The following PRKN variants were observed in gnomAD, a reference collection of about 807,000 sequenced individuals.
The protein encoded by PRKN is E3 ubiquitin-protein ligase parkin.
PRKN carries 56 observed loss-of-function variants against 59.5 expected under a neutral mutation model. The observed-to-expected ratio is 0.94, with a 90% CI of 0.76 to 1.18. The LOEUF is 1.18. PRKN is among the 50% of genes most tolerant of loss of function. The pLI is 0.00. For missense variants in PRKN, 657 were observed against 596.4 expected, an observed-to-expected ratio of 1.10 and a Z score of -1.06; for synonymous variants, 250 against 222.1, an observed-to-expected ratio of 1.13 and a Z score of -1.12.
At position 161,655,889 on chromosome 6, in the gene PRKN, C is replaced by T. The variant is rs1378789800; in HGVS notation, c.872-86473G>A. On this transcript the variant is annotated intron_variant, in intron 7 of 11. Transcript: ENST00000366898. ...ATGCACACACACACACACACATACACACACACACACACACACACACACACA... is the reference window on the plus strand; with the variant it reads ...ATGCACACACACACACACACATACATACACACACACACACACACACACACA... Among the ~76,000 whole-genome samples the T allele has an allele frequency of 6.3e-3, 298 of 47,516 alleles. 2 individuals are homozygous for T. Among genetic ancestry groups the T allele is most frequent in the African/African-American group, 0.056 (287 of 5,080 alleles). The allele number at this position is 47,516 out of a possible 152,430, so 31.2% of individuals were successfully genotyped here.
chr6:161,491,288 ACT>A (rs910322778), intron 9 of PRKN, among the ~76,000 whole-genome samples: 2 of 152,146 alleles, frequency 1.3e-5, no homozygotes, highest in African/African-American at 4.8e-5. Flanking sequence ...GAAGGATCGT[ACT>A]CATTCATTTC....
chr6:161,811,849 G>A (rs1049701820), intron 6 of PRKN, among the ~76,000 whole-genome samples: 1 of 151,936 alleles, frequency 6.6e-6, no homozygotes. Context: ...TTGAACCTGG[G>A]AGGTGGAGGT....
intron 2 of PRKN, among the ~76,000 whole-genome samples, chr6:162,368,326 G>A (rs1486618874): frequency 6.6e-6 from 1 of 152,154 alleles, no homozygotes; most frequent in Non-Finnish European, 1.5e-5. Context: ...AGCTGACATT[G>A]TTGAATCTAC....
intron 4 of PRKN, among the ~76,000 whole-genome samples, chr6:162,193,924 A>AT (rs751202064): frequency 6.5e-4 from 99 of 152,338 alleles, no homozygotes; most frequent in Non-Finnish European, 1.1e-3. Context: ...GTGTTCACCT[A>AT]TAACCTGAAA....
In PRKN at chr6:161,785,913, A is replaced by C. The variant is rs1468889730; in HGVS notation, c.735-5T>G. ...TGGAAAACCAGGACGGGGCTCCTGC[A>C]GAGAGAAAGGAAGATGTTTCCTCTA... On this transcript the variant is annotated splice_region_variant and splice_polypyrimidine_tract_variant and intron_variant, in intron 6 of 11. Coordinates refer to ENST00000366898, the MANE Select transcript of PRKN (RefSeq NM_004562.3). 1 of 1,613,686 alleles carries C rather than the reference A, an allele frequency of 6.2e-7. No homozygotes were observed. The highest frequency in any genetic ancestry group is 8.5e-7 in the Non-Finnish European group (1 of 1,179,734).
chr6:161,879,119 C>T (rs9347552), intron 6 of PRKN, among the ~76,000 whole-genome samples: 34,797 of 151,926 alleles, frequency 0.23, 4,722 homozygotes, highest in East Asian at 0.37. Context: ...GCTCCCCAAG[C>T]GATTCTCCGT....
In PRKN at chr6:161,527,325, G is replaced by T. The variant is rs548642854; in HGVS notation, c.1083+21529C>A. ...CATATTTTGGGGTGAAGTGTCTTGAGCCCCAACGGCATCAAGTATGAACTT... is the reference window on the plus strand; with the variant it reads ...CATATTTTGGGGTGAAGTGTCTTGATCCCCAACGGCATCAAGTATGAACTT... On this transcript the variant is annotated intron_variant, in intron 9 of 11. Transcript: ENST00000366898. This position sits in a 1 kb window ranked among gnomAD's most constrained non-coding sequence, Gnocchi z 4.6. 1.2e-3 allele frequency among the ~76,000 whole-genome samples: 185 copies of T among 152,270 alleles called. 1 individual carries two copies. Among genetic ancestry groups the T allele is most frequent in the Non-Finnish European group, 2.1e-3 (145 of 68,020 alleles).
At chr6:161,737,255 T>C (rs771003445) in intron 7 of PRKN, among the ~76,000 whole-genome samples, 1 of 152,128 alleles carries the variant, frequency 6.6e-6, no homozygotes, top group African/African-American at 2.4e-5. Flanking sequence ...TAAAGGGGAA[T>C]GAACTAAATC....
At chr6:161,800,973 A>C (rs1791051074) in intron 6 of PRKN, among the ~76,000 whole-genome samples, 1 of 152,164 alleles carries the variant, frequency 6.6e-6, no homozygotes, top group Non-Finnish European at 1.5e-5. Context: ...TCACTGCCTA[A>C]TGCTGGGCCT....
At chr6:162,411,729 A>T (rs984074050) in intron 2 of PRKN, among the ~76,000 whole-genome samples, 1 of 152,132 alleles carries the variant, frequency 6.6e-6, no homozygotes, top group Non-Finnish European at 1.5e-5. Context: ...ATTAACTATA[A>T]TTATTAGGAG....
intron 4 of PRKN, among the ~76,000 whole-genome samples, chr6:162,116,236 C>T (rs1780667067): frequency 6.6e-6 from 1 of 152,176 alleles, no homozygotes; most frequent in Non-Finnish European, 1.5e-5. Flanking sequence ...TAATAAACTG[C>T]AGGCCACATA....
At chr6:162,166,047 C>CAAAAAAAAAAAAAAAAAA (rs10557222) in intron 4 of PRKN, among the ~76,000 whole-genome samples, 1 of 80,200 alleles carries the variant, frequency 1.2e-5, no homozygotes, top group African/African-American at 5.1e-5. Flanking sequence ...GACTCTATCT[C>CAAAAAAAAAAAAAAAAAA]AAAAAAAAAA....
At chr6:161,453,021 A>G (rs1789809498) in intron 9 of PRKN, among the ~76,000 whole-genome samples, 1 of 152,196 alleles carries the variant, frequency 6.6e-6, no homozygotes, top group Admixed American at 6.6e-5. Flanking sequence ...CAAAGTCTAT[A>G]CAGGACCACA....
At chr6:162,385,517 A>G (rs1446346490) in intron 2 of PRKN, among the ~76,000 whole-genome samples, 1 of 152,126 alleles carries the variant, frequency 6.6e-6, no homozygotes, top group Non-Finnish European at 1.5e-5. Context: ...TGAGGAGGAT[A>G]ACATCTGTTA....
chr6:162,471,174 C>T (rs181789164), intron 1 of PRKN, among the ~76,000 whole-genome samples: 7 of 151,708 alleles, frequency 4.6e-5, no homozygotes, highest in African/African-American at 9.7e-5. Flanking sequence ...CTTGGCTCAC[C>T]GCAACATCCA....
At chr6:162,603,240 C>A (rs768889110) in intron 1 of PRKN, among the ~76,000 whole-genome samples, 1 of 152,258 alleles carries the variant, frequency 6.6e-6, no homozygotes, top group African/African-American at 2.4e-5. Context: ...TAAAAAACAA[C>A]AGTCTGCGAA....
At chr6:162,593,303 A>G (rs559643868) in intron 1 of PRKN, among the ~76,000 whole-genome samples, 1 of 152,334 alleles carries the variant, frequency 6.6e-6, no homozygotes, top group African/African-American at 2.4e-5. Flanking sequence ...CTAATCAATG[A>G]CAGGTGAAAT....
intron 1 of PRKN, among the ~76,000 whole-genome samples, chr6:162,693,617 T>C (rs1441681032): frequency 6.6e-6 from 1 of 152,208 alleles, no homozygotes; most frequent in Non-Finnish European, 1.5e-5. Context: ...TCATTCTTTA[T>C]GAGACACCAA....
rs117906122 is a variant in PRKN at position 161,825,368 on chromosome 6, A to G, written c.735-39460T>C. On this transcript the variant is annotated intron_variant, in intron 6 of 11. Coordinates refer to ENST00000366898, the MANE Select transcript of PRKN (RefSeq NM_004562.3). ...TCTGTTTCTTAAAGAAGGTCTCCCA[A>G]ATGGTGTAATTTAAGATCCCCACAA... Among the ~76,000 whole-genome samples, 229 of 152,192 alleles carry G rather than the reference A, an allele frequency of 1.5e-3. 5 individuals carry two copies. In the East Asian group the frequency reaches 0.04, roughly 27 times the overall value.
Sources: gnomAD v4.1 joint callset for allele counts (sites outside exome capture counted in the v4.1 genomes callset) on GRCh38, gnomAD v4.1.1 for gene constraint, Gnocchi (gnomAD v3.1) non-coding constraint, MANE v1.5 for transcripts, NCBI Gene and HGNC (gene_info 2026-07-23, HGNC 2026-07-21) for gene names.